Variants in MSANTD3 observed in about 807,000 individuals in gnomAD.
The protein encoded by MSANTD3 is Myb/SANT DNA binding domain containing 3.
A neutral mutation model predicts 27.7 loss-of-function variants in MSANTD3; 11 were observed. That is an observed-to-expected ratio of 0.40 (90% CI 0.25 to 0.66). The LOEUF (loss-of-function observed/expected upper bound fraction) is 0.66. Ranked by LOEUF, MSANTD3 falls within the 30% of genes least tolerant of loss-of-function variation. The pLI is 0.41. For missense variants in MSANTD3, 250 were observed against 336.5 expected, an observed-to-expected ratio of 0.74 and a Z score of 2.01; for synonymous variants, 131 against 127.2, an observed-to-expected ratio of 1.03 and a Z score of -0.20.
chr9:100,433,869 C>G (rs1278358726), intron 1 of MSANTD3, among the ~76,000 whole-genome samples: 1 of 152,142 alleles, frequency 6.6e-6, no homozygotes, highest in Non-Finnish European at 1.5e-5. Context: ...GTCTTTACCT[C>G]CCGAGTTGTG....
intron 1 of MSANTD3, among the ~76,000 whole-genome samples, chr9:100,432,474 G>A (rs113021518): frequency 0.014 from 2,058 of 152,258 alleles, 14 homozygotes; most frequent in Middle Eastern, 0.031. Context: ...AGAAGGAAAC[G>A]ATTATATTAT....
chr9:100,445,140 G>T, intron 2 of MSANTD3: 2 of 1,432,646 alleles, frequency 1.4e-6, no homozygotes, highest in South Asian at 1.2e-5. Flanking sequence ...AAACAACTTT[G>T]AGTTCATTTC....
intron 1 of MSANTD3, among the ~76,000 whole-genome samples, chr9:100,441,247 CAA>C (rs1419536995): frequency 6.6e-6 from 1 of 151,966 alleles, no homozygotes; most frequent in African/African-American, 2.4e-5. Context: ...TCAGCTGTGA[CAA>C]AAGTTTTGGA....
chr9:100,442,718 A>G (rs1197578193), intron 2 of MSANTD3, among the ~76,000 whole-genome samples: 3 of 148,030 alleles, frequency 2.0e-5, no homozygotes, highest in Admixed American at 1.4e-4. Flanking sequence ...CTGAGGCTGG[A>G]GGATAACTTG....
At chr9:100,448,855 A>G in intron 2 of MSANTD3, 1 of 985,096 alleles carries the variant, frequency 1.0e-6, no homozygotes. Context: ...TTTTTTTTAA[A>G]CTTCTCTTCC....
chr9:100,450,565 G>T lies in MSANTD3; in HGVS notation c.427G>T (p.Ala143Ser). ...HPDASAQESFAVSNRELCDDE... is the reference protein window; with the variant it reads ...HPDASAQESFSVSNRELCDDE... ...CTGCTACTGTTTTTCAGAATCATTTGCTGTTTCAAATAGAGAACTGTGCGA... is the reference window on the plus strand; with the variant it reads ...CTGCTACTGTTTTTCAGAATCATTTTCTGTTTCAAATAGAGAACTGTGCGA... The change falls in exon 3 of 3, where the codon GCT (alanine) becomes TCT (serine). Residue 143 changes from alanine (A) to serine (S), a missense_variant. Around this residue, in one of 3 missense-constraint regions of MSANTD3, gnomAD observed 235 missense variants for 299.3 expected, o/e 0.79. Coordinates refer to ENST00000395067, the MANE Select transcript of MSANTD3 (RefSeq NM_080655.3). The T allele has an allele frequency of 1.3e-6, 2 of 1,523,774 alleles. No individual in the cohort carries two copies. The highest frequency in any genetic ancestry group is 1.4e-5 in the African/African-American group (1 of 71,322). The allele number at this position is 1,523,774 out of a possible 1,614,324, so 94.4% of individuals were successfully genotyped here.
chr9:100,449,396 A>T (rs111561695), intron 2 of MSANTD3, among the ~76,000 whole-genome samples: 2 of 152,190 alleles, frequency 1.3e-5, no homozygotes, highest in African/African-American at 4.8e-5. Context: ...AAAAAAAGAG[A>T]ATGTCATGGT....
intron 1 of MSANTD3, among the ~76,000 whole-genome samples, chr9:100,438,453 CAT>C (rs1836529314): frequency 6.8e-6 from 1 of 146,376 alleles, no homozygotes; most frequent in African/African-American, 2.5e-5. Context: ...TGTACACACA[CAT>C]ATAATGTATA....
chr9:100,450,056 C>T (rs766079491), intron 2 of MSANTD3, among the ~76,000 whole-genome samples: 3 of 152,168 alleles, frequency 2.0e-5, no homozygotes, highest in African/African-American at 2.4e-5. Context: ...CAAGATGGCT[C>T]TCCAGGGTAA....
intron 1 of MSANTD3, among the ~76,000 whole-genome samples, chr9:100,427,744 A>C (rs986286372): frequency 2.0e-5 from 3 of 152,036 alleles, no homozygotes; most frequent in African/African-American, 7.2e-5. Context: ...CGGCGTCCCC[A>C]CTGTGTGCTG....
At chr9:100,433,346 C>G (rs1836411953) in intron 1 of MSANTD3, among the ~76,000 whole-genome samples, 1 of 152,018 alleles carries the variant, frequency 6.6e-6, no homozygotes, top group African/African-American at 2.4e-5. Context: ...GGGTCCAAGC[C>G]CATGTCCTTA....
chr9:100,436,571 A>C (rs879322098), intron 1 of MSANTD3, among the ~76,000 whole-genome samples: 14 of 152,176 alleles, frequency 9.2e-5, no homozygotes, highest in Non-Finnish European at 1.6e-4. Context: ...ATAAAAGTTG[A>C]TGCGGCAGGG....
chr9:100,438,516 A>G (rs1043106160), intron 1 of MSANTD3, among the ~76,000 whole-genome samples: 7 of 152,062 alleles, frequency 4.6e-5, no homozygotes, highest in Non-Finnish European at 8.8e-5. Flanking sequence ...TCCTTTTTTC[A>G]TTTGTGAATC....
intron 1 of MSANTD3, among the ~76,000 whole-genome samples, chr9:100,435,739 G>A (rs1156352501): frequency 6.6e-6 from 1 of 152,044 alleles, no homozygotes; most frequent in Admixed American, 6.6e-5. Flanking sequence ...CCAGCTTCCT[G>A]GTGTCTCTAC....
chr9:100,441,045 C>T (rs1468871753), intron 1 of MSANTD3, among the ~76,000 whole-genome samples: 4 of 149,640 alleles, frequency 2.7e-5, no homozygotes, highest in Non-Finnish European at 5.9e-5. Context: ...AAGTAGTTCT[C>T]CTGCCTCAGC....
chr9:100,442,087 A>G lies in MSANTD3; in HGVS notation c.149A>G (p.Gln50Arg). 2 of 1,614,238 alleles carry G rather than the reference A, an allele frequency of 1.2e-6. No individual in the cohort carries two copies. The highest frequency in any genetic ancestry group is 8.5e-7 in the Non-Finnish European group (1 of 1,180,048). Residue 50 changes from glutamine to arginine, a missense_variant, in exon 2 of 3, where the codon CAG becomes CGG. This residue lies in a region of MSANTD3 where 235 missense variants were observed against 299.3 expected (regional missense o/e 0.79). Transcript: ENST00000395067. Reference sequence around the variant, plus strand: ...ATTGCCCTTAAGCAGCGTACCTGGCAGGCGCTGGCCCACGAATACAACTCT... The same window carrying G: ...ATTGCCCTTAAGCAGCGTACCTGGCGGGCGCTGGCCCACGAATACAACTCT... The part of the protein sequence containing the change: ...RTIALKQRTW[Q>R]ALAHEYNSQP...
intron 2 of MSANTD3, among the ~76,000 whole-genome samples, chr9:100,450,071 T>C (rs1836849393): frequency 6.6e-6 from 1 of 152,178 alleles, no homozygotes; most frequent in South Asian, 2.1e-4. Context: ...GGGTAAGGGC[T>C]AACACCTGTG....
Position 100,439,185 on chromosome 9 carries a change from C to T in MSANTD3, c.-33-2721C>T, listed in dbSNP as rs963817470. ...GGTTCTGTCACCCTCATGTAAAGACCACACTCCTTGGCGTCAATTTGAAGG... is the reference window on the plus strand; with the variant it reads ...GGTTCTGTCACCCTCATGTAAAGACTACACTCCTTGGCGTCAATTTGAAGG... On this transcript the variant is annotated intron_variant, in intron 1 of 2. Transcript: ENST00000395067. Among the ~76,000 whole-genome samples the T allele has an allele frequency of 2.6e-5, 4 of 152,152 alleles. 1 individual carries two copies. Among genetic ancestry groups the T allele is most frequent in the Admixed American group, 2.6e-4 (4 of 15,280 alleles).
At chr9:100,441,692 C>A (rs1424110277) in intron 1 of MSANTD3, among the ~76,000 whole-genome samples, 2 of 152,144 alleles carry the variant, frequency 1.3e-5, no homozygotes, top group Non-Finnish European at 2.9e-5. Context: ...CAGATAGTCA[C>A]AGTATAGCCA....
Sources: allele counts gnomAD v4.1 joint callset (sites outside exome capture counted in the v4.1 genomes callset), GRCh38; gene constraint gnomAD v4.1.1; regional missense constraint gnomAD v4.1.1; transcripts MANE v1.5; gene names NCBI Gene and HGNC (gene_info 2026-07-23, HGNC 2026-07-21).